The following HMCN2 variants were observed in gnomAD, a reference collection of about 807,000 sequenced individuals.
The protein encoded by HMCN2 is hemicentin-2.
A neutral mutation model predicts 377.5 loss-of-function variants in HMCN2; 325 were observed. The observed-to-expected ratio is 0.86, with a 90% CI of 0.79 to 0.94. The LOEUF is 0.94. Ranked by LOEUF, HMCN2 falls within the 40% of genes least tolerant of loss-of-function variation. The pLI, the probability that HMCN2 is intolerant of heterozygous loss-of-function variation, is 0.00. For synonymous variants in HMCN2, 2,007 were observed against 2,046.8 expected (o/e 0.98, Z 0.53); for missense variants, 4,543 against 4,725.3 (o/e 0.96, Z 1.13).
At chr9:130,306,688 C>T (rs1399046552) in intron 12 of HMCN2, 123 bp from the exon 13 acceptor site, 2 of 385,962 alleles carry the variant, frequency 5.2e-6, no homozygotes, top group Non-Finnish European at 1.1e-5. Flanking sequence ...TTAGCACAGG[C>T]CTAGAGCAAG....
rs1840811468 is a variant in HMCN2, at chr9:130,368,360, C to T, written c.6710C>T (p.Ala2237Val). Residue 2237 changes from alanine to valine, a missense_variant, in exon 44 of 98, where the codon GCT (alanine) becomes GTT (valine). By Grantham distance (64) the Ala-to-Val change is moderately conservative. This residue lies in a region of HMCN2 where 1,032 missense variants were observed against 1,285.1 expected (regional missense o/e 0.80). Coordinates refer to ENST00000683500, the MANE Select transcript of HMCN2 (RefSeq NM_001291815.2). Reference protein sequence around the residue: ...RLLYLGQAQLAQEGTYTCECS... With the variant: ...RLLYLGQAQLVQEGTYTCECS... The stretch of plus-strand genomic sequence containing the variant: ...TTGTACCTGGGACAGGCCCAGCTGG[C>T]TCAGGAAGGAACATACACCTGTGAA... 1.0e-6 allele frequency: 1 copy of T among 985,704 alleles called. No homozygotes were observed. The highest frequency in any genetic ancestry group is 4.7e-5 in the South Asian group (1 of 21,284). The allele number at this position is 985,704 out of a possible 1,614,324, so 61.1% of individuals were successfully genotyped here.
chr9:130,425,530 A>G (rs904931565), intron 89 of HMCN2, among the ~76,000 whole-genome samples, 157 bp from the exon 90 acceptor site: 1 of 149,794 alleles, frequency 6.7e-6, no homozygotes, highest in African/African-American at 2.5e-5. Flanking sequence ...GGCTCACCCC[A>G]TCTTCTCCCA....
chr9:130,395,894 G>A (rs1454391897), intron 71 of HMCN2, 30 bp from the exon 72 acceptor site: 2 of 1,277,916 alleles, frequency 1.6e-6, no homozygotes, highest in Non-Finnish European at 2.0e-6. Context: ...GCACTGATAA[G>A]GGTCTGTCCA....
chr9:130,415,201 T>C (rs1297342223), intron 85 of HMCN2, among the ~76,000 whole-genome samples: 1 of 152,174 alleles, frequency 6.6e-6, no homozygotes, highest in East Asian at 1.9e-4. Flanking sequence ...AGATGGAAGA[T>C]TTAAATAAGA....
chr9:130,285,973 C>T (rs1835390126), intron 3 of HMCN2, among the ~76,000 whole-genome samples: 1 of 152,234 alleles, frequency 6.6e-6, no homozygotes, highest in Admixed American at 6.5e-5. Flanking sequence ...TTTCCTGGCC[C>T]TGTGCTGAGC....
chr9:130,358,831 G>A (rs1250278471), intron 36 of HMCN2, among the ~76,000 whole-genome samples: 1 of 152,100 alleles, frequency 6.6e-6, no homozygotes, highest in Non-Finnish European at 1.5e-5. Context: ...CCACCACCAC[G>A]TCTGGCTAAT....
At chr9:130,343,174 A>T (rs1408103496) in intron 25 of HMCN2, among the ~76,000 whole-genome samples, 2 of 152,098 alleles carry the variant, frequency 1.3e-5, no homozygotes, top group Admixed American at 1.3e-4. Context: ...CCCCACCCAG[A>T]AGATCCCTCC....
intron 95 of HMCN2, chr9:130,431,100 C>T (rs1028560656): frequency 3.3e-5 from 18 of 549,158 alleles, no homozygotes; most frequent in African/African-American, 1.9e-4. Flanking sequence ...TCGGCATTCC[C>T]GCCTGGACGG....
chr9:130,423,145 G>A lies in HMCN2; in HGVS notation c.13381+419G>A, dbSNP rs532120898. Among the ~76,000 whole-genome samples the A allele has an allele frequency of 8.5e-5, 13 of 152,238 alleles. No individual in the cohort carries two copies. In the East Asian group the frequency reaches 1.9e-3, roughly 23 times the overall value. On this transcript the variant is annotated intron_variant, in intron 87 of 97. Transcript: ENST00000683500. This position sits in a 1 kb window ranked among gnomAD's most constrained non-coding sequence, Gnocchi z 5.5. ...GTGCAGGCTGGAGGTGACGGGAAGCGGGAAACATGGAGAATTGAATTGCCT... is the reference window on the plus strand; with the variant it reads ...GTGCAGGCTGGAGGTGACGGGAAGCAGGAAACATGGAGAATTGAATTGCCT...
intron 79 of HMCN2, 53 bp from the exon 80 acceptor site, chr9:130,403,687 CG>C (rs1044692077): frequency 2.3e-6 from 3 of 1,276,924 alleles, no homozygotes; most frequent in African/African-American, 1.5e-5. Context: ...CTGCCCACCT[CG>C]GGGGTCCCCA....
chr9:130,295,616 C>A, intron 5 of HMCN2, 50 bp from the exon 6 acceptor site: 2 of 449,646 alleles, frequency 4.4e-6, no homozygotes, highest in South Asian at 3.2e-5. Flanking sequence ...GGGGCTCCTG[C>A]CACCCCCAGC....
At chr9:130,392,876 G>A (rs1040432797) in intron 66 of HMCN2, among the ~76,000 whole-genome samples, 4 of 151,876 alleles carry the variant, frequency 2.6e-5, no homozygotes. Flanking sequence ...GGCGCCTGTA[G>A]TCCCAGCTAC....
chr9:130,413,263 T>C (rs1286543132), intron 85 of HMCN2, among the ~76,000 whole-genome samples: 1 of 152,232 alleles, frequency 6.6e-6, no homozygotes, highest in African/African-American at 2.4e-5. Context: ...CTTTGCCTTA[T>C]TGCCTTGGTT....
chr9:130,345,588 T>C (rs1819330037), intron 25 of HMCN2, among the ~76,000 whole-genome samples: 1 of 146,678 alleles, frequency 6.8e-6, no homozygotes, highest in African/African-American at 2.5e-5. Context: ...TATGTGTGTA[T>C]GGTGTTTCGT....
At position 130,356,167 on chromosome 9, in the gene HMCN2, C is replaced by T. The variant is rs866351809; in HGVS notation, c.5335C>T (p.His1779Tyr). The change falls in exon 34 of 98, where the codon CAT (histidine) becomes TAT (tyrosine). Residue 1779 changes from histidine (H) to tyrosine (Y), a missense_variant. His to Tyr is a moderately conservative substitution (Grantham distance 83). Around this residue, in one of 5 missense-constraint regions of HMCN2, gnomAD observed 1,032 missense variants for 1,285.1 expected, o/e 0.80. Transcript: ENST00000683500. ...GCAGGGGACCACACTGCACATTGAC[C>T]ATGTGGAGCTGGACCACTCAGGCCT... ...ASQGTTLHID[H>Y]VELDHSGLFA... 1 of 1,303,114 alleles carries T rather than the reference C, an allele frequency of 7.7e-7. No individual in the cohort carries two copies. The highest frequency in any genetic ancestry group is 1.5e-5 in the African/African-American group (1 of 65,960). The allele number at this position is 1,303,114 out of a possible 1,614,324, so 80.7% of individuals were successfully genotyped here.
At chr9:130,400,711 T>C (rs1331678292) in intron 76 of HMCN2, 72 bp from the exon 77 acceptor site, 9 of 1,145,904 alleles carry the variant, frequency 7.9e-6, no homozygotes, top group Non-Finnish European at 1.0e-5. Flanking sequence ...GTACTAGCTT[T>C]ACCCCCTGGC....
intron 90 of HMCN2, among the ~76,000 whole-genome samples, chr9:130,426,545 C>T (rs1430195626): frequency 2.0e-5 from 3 of 152,168 alleles, no homozygotes; most frequent in Non-Finnish European, 1.5e-5. Flanking sequence ...GGCATGACAT[C>T]GCCTGCCTTG....
At chr9:130,426,007 C>A in intron 90 of HMCN2, 83 bp downstream of exon 90, 1 of 998,808 alleles carries the variant, frequency 1.0e-6, no homozygotes, top group Non-Finnish European at 1.5e-6. Flanking sequence ...CTGGAATCCA[C>A]CCCTGCCCCT....
chr9:130,383,761 C>G (rs1363104564), intron 57 of HMCN2, among the ~76,000 whole-genome samples, 161 bp downstream of exon 57: 1 of 152,196 alleles, frequency 6.6e-6, no homozygotes, highest in Non-Finnish European at 1.5e-5. Context: ...TTTGGGGGGC[C>G]CTGATCACTA....
Sources: gnomAD v4.1 joint callset for allele counts (sites outside exome capture counted in the v4.1 genomes callset) on GRCh38, gnomAD v4.1.1 for gene constraint, gnomAD v4.1.1 regional missense constraint, Gnocchi (gnomAD v3.1) non-coding constraint, MANE v1.5 for transcripts, NCBI Gene and HGNC (gene_info 2026-07-23, HGNC 2026-07-21) for gene names.